Variants in APMAP observed in about 807,000 individuals in gnomAD.
APMAP encodes the protein adipocyte plasma membrane-associated protein.
APMAP carries 33 observed loss-of-function variants against 43.6 expected under a neutral mutation model. That is an observed-to-expected ratio of 0.76 (90% confidence interval 0.57 to 1.01). The LOEUF (loss-of-function observed/expected upper bound fraction) is 1.01, where lower values mean the gene tolerates loss of function less well. APMAP is among the 50% of genes least tolerant of loss of function. The probability of loss-of-function intolerance (pLI) is 0.00; values close to 1 mark genes in which losing one functional copy is unlikely to be tolerated. For synonymous variants in APMAP, 224 were observed against 216.7 expected (o/e 1.03, Z -0.30); for missense variants, 498 against 540.7 (o/e 0.92, Z 0.78).
chr20:24,992,652 G>GGGGCCGGCGCTGTCGC lies in APMAP; in HGVS notation c.21_36dup (p.Leu13AlafsTer15). Reference sequence around the variant, plus strand: ...TCGTCTGTGACGACCTGCGGCCGCAGGGGCCGGCGCTGTCGCAGCCCGTCC... The same window carrying GGGGCCGGCGCTGTCGC: ...TCGTCTGTGACGACCTGCGGCCGCAGGGGCCGGCGCTGTCGCGGGCCGGCGCTGTCGCAGCCCGTCC... On this transcript the variant is annotated frameshift_variant, in exon 1 of 9. Transcript: ENST00000217456. LOFTEE classifies it high-confidence loss of function. The GGGGCCGGCGCTGTCGC allele has an allele frequency of 6.4e-7, 1 of 1,562,348 alleles. No individual in the cohort carries two copies. The highest frequency in any genetic ancestry group is 1.8e-5 in the Admixed American group (1 of 54,754).
At chr20:24,973,393 A>G (rs2088022099) in intron 4 of APMAP, among the ~76,000 whole-genome samples, 1 of 152,214 alleles carries the variant, frequency 6.6e-6, no homozygotes, top group African/African-American at 2.4e-5. Context: ...GGCGAGGCCC[A>G]TGCAGTACCA....
At chr20:24,972,491 C>T (rs1272339035) in intron 4 of APMAP, among the ~76,000 whole-genome samples, 2 of 150,100 alleles carry the variant, frequency 1.3e-5, no homozygotes, top group Admixed American at 1.3e-4. Context: ...ACCGCAGGGG[C>T]TTACTGCAGG....
intron 3 of APMAP, chr20:24,974,266 A>G (rs1346976818): frequency 6.6e-6 from 1 of 152,276 alleles, no homozygotes; most frequent in East Asian, 1.9e-4. Context: ...AATTCATAAA[A>G]CATTCCATAG....
chr20:24,976,233 A>C (rs1210488337), intron 3 of APMAP, among the ~76,000 whole-genome samples: 4 of 152,256 alleles, frequency 2.6e-5, no homozygotes, highest in Non-Finnish European at 5.9e-5. Flanking sequence ...CTTGCTCTAC[A>C]GAAGATACTG....
intron 2 of APMAP, among the ~76,000 whole-genome samples, chr20:24,983,450 G>T (rs2088121158): frequency 6.6e-6 from 1 of 152,120 alleles, no homozygotes; most frequent in Non-Finnish European, 1.5e-5. Flanking sequence ...ATATACAATA[G>T]TTTTTTCAAA....
chr20:24,973,763 A>C, intron 3 of APMAP, 26 bp from the exon 4 acceptor site: 1 of 1,604,430 alleles, frequency 6.2e-7, no homozygotes. Flanking sequence ...AAAAGGAGGA[A>C]GAGCAATGTT....
At chr20:24,970,899 C>A (rs2087992901) in intron 5 of APMAP, among the ~76,000 whole-genome samples, 1 of 152,122 alleles carries the variant, frequency 6.6e-6, no homozygotes, top group Non-Finnish European at 1.5e-5. Flanking sequence ...AGCTGGTGGC[C>A]AGCAGAGTGG....
intron 2 of APMAP, among the ~76,000 whole-genome samples, chr20:24,980,711 G>A (rs567401344): frequency 1.3e-4 from 20 of 149,696 alleles, no homozygotes; most frequent in South Asian, 4.3e-4. Flanking sequence ...GCAGCGTGGC[G>A]TCACCATGGT....
At chr20:24,981,511 T>C (rs1389402964) in intron 2 of APMAP, among the ~76,000 whole-genome samples, 1 of 152,250 alleles carries the variant, frequency 6.6e-6, no homozygotes, top group African/African-American at 2.4e-5. Context: ...TGTGGGGCAC[T>C]GCTCTCTCCC....
rs1178600812 is a variant in APMAP, at chr20:24,992,735, G to T, written c.-47C>A. On this transcript the variant is annotated 5_prime_UTR_variant, in exon 1 of 9. Coordinates refer to ENST00000217456, the MANE Select transcript of APMAP (RefSeq NM_020531.3). Reference sequence around the variant, plus strand: ...CGCAGAAACCACCTCACACTGAGCGGCGCCGGCTCAGACTCCAGGCCCGCC... The same window carrying T: ...CGCAGAAACCACCTCACACTGAGCGTCGCCGGCTCAGACTCCAGGCCCGCC... 1.4e-6 allele frequency: 2 copies of T among 1,403,388 alleles called. No homozygotes were observed. The allele number at this position is 1,403,388 out of a possible 1,614,324, so 86.9% of individuals were successfully genotyped here. A position where few individuals can be genotyped will look rare whatever the true frequency, so the allele number is the denominator to read the frequency against.
At chr20:24,992,091 C>T (rs1275662363) in intron 1 of APMAP, among the ~76,000 whole-genome samples, 3 of 152,328 alleles carry the variant, frequency 2.0e-5, no homozygotes, top group Middle Eastern at 3.4e-3. Context: ...GTGTAGAAGC[C>T]ATCTCTTCGC....
At chr20:24,991,327 CA>C (rs1287678021) in intron 1 of APMAP, among the ~76,000 whole-genome samples, 2 of 152,220 alleles carry the variant, frequency 1.3e-5, no homozygotes, top group African/African-American at 4.8e-5. Flanking sequence ...ACAATATTCA[CA>C]GTAAGTAGGG....
At position 24,970,375 on chromosome 20, in the gene APMAP, A is replaced by G. The variant is rs1171018095; in HGVS notation, c.539-4T>C. ...GACAGCAGCAGTTTCACTTCACCTGAAGTTTAAAAAGAAAGAAAAAGATTG... is the reference window on the plus strand; with the variant it reads ...GACAGCAGCAGTTTCACTTCACCTGGAGTTTAAAAAGAAAGAAAAAGATTG... On this transcript the variant is annotated splice_polypyrimidine_tract_variant and splice_region_variant and intron_variant, in intron 5 of 8. Coordinates refer to ENST00000217456, the MANE Select transcript of APMAP (RefSeq NM_020531.3). The G allele has an allele frequency of 6.3e-7, 1 of 1,598,774 alleles. No homozygotes were observed. The highest frequency in any genetic ancestry group is 1.3e-5 in the African/African-American group (1 of 74,158).
chr20:24,970,145 A>G (rs6050218), intron 6 of APMAP, 52 bp downstream of exon 6: 151,989 of 1,599,944 alleles, frequency 0.095, 7,896 homozygotes, highest in African/African-American at 0.12. Context: ...TGCTGAAGCA[A>G]CTGGCCTGGC....
chr20:24,978,939 T>C, intron 2 of APMAP, 57 bp from the exon 3 acceptor site: 3 of 1,389,576 alleles, frequency 2.2e-6, no homozygotes, highest in Non-Finnish European at 3.1e-6. Flanking sequence ...GAAGAAAATG[T>C]GTACCGAGCA....
chr20:24,963,568 G>A lies in APMAP; in HGVS notation c.*245C>T, dbSNP rs2087915745. 1.9e-6 allele frequency: 1 copy of A among 538,902 alleles called. No homozygotes were observed. 33.4% of individuals were successfully genotyped at this position (538,902 alleles called of 1,614,324 possible). ...GTTTTGTTTTGTTTAAGAGAAAATG[G>A]CTTTACATGAATTTATGTTCCTCAT... is the stretch of plus-strand genomic sequence containing the variant. On this transcript the variant is annotated 3_prime_UTR_variant, in exon 9 of 9. Coordinates refer to ENST00000217456, the MANE Select transcript of APMAP (RefSeq NM_020531.3).
intron 8 of APMAP, among the ~76,000 whole-genome samples, chr20:24,964,655 A>G (rs2087928401): frequency 6.6e-6 from 1 of 152,190 alleles, no homozygotes; most frequent in Non-Finnish European, 1.5e-5. Context: ...GTTGAAGAGT[A>G]TTAAGCAGAG....
intron 3 of APMAP, among the ~76,000 whole-genome samples, chr20:24,977,469 ACCT>A (rs2088059820): frequency 6.6e-6 from 1 of 152,194 alleles, no homozygotes. Flanking sequence ...CAGAGCTAGT[ACCT>A]CCTTCCACTG....
Position 24,964,092 on chromosome 20 carries a change from C to T in APMAP, c.1042-70G>A, listed in dbSNP as rs1446715546. 3.1e-5 allele frequency: 46 copies of T among 1,494,838 alleles called. 1 individual carries two copies. Among genetic ancestry groups the T allele is most frequent in the African/African-American group, 4.1e-5 (3 of 72,610 alleles). 92.6% of individuals were successfully genotyped at this position (1,494,838 alleles called of 1,614,324 possible). On this transcript the variant is annotated intron_variant, in intron 8 of 8. Transcript: ENST00000217456. ...AACACTGTGCGCAGATCAACCGTGC[C>T]GCCCCCACCATCCAGGAACGGTCTG...
Sources: gnomAD v4.1 joint callset for allele counts (sites outside exome capture counted in the v4.1 genomes callset) on GRCh38, gnomAD v4.1.1 for gene constraint, MANE v1.5 for transcripts, NCBI Gene and HGNC (gene_info 2026-07-23, HGNC 2026-07-21) for gene names.